ARID1B: variants seen among roughly 807,000 people sequenced by gnomAD.
The protein encoded by ARID1B is AT-rich interactive domain-containing protein 1B.
A neutral mutation model predicts 212.3 loss-of-function variants in ARID1B; 30 were observed. The ratio of observed to expected loss-of-function variants is 0.14; its 90% CI spans 0.11 to 0.19. The LOEUF (loss-of-function observed/expected upper bound fraction) is 0.19, where lower values mean the gene tolerates loss of function less well. Among genes scored for constraint, ARID1B ranks in the 10% least tolerant of loss-of-function variants. The pLI, the probability that ARID1B is intolerant of heterozygous loss-of-function variation, is 1.00. For missense variants in ARID1B, 2,891 were observed against 3,204.0 expected, an observed-to-expected ratio of 0.90 and a Z score of 2.36; for synonymous variants, 1,402 against 1,301.7, an observed-to-expected ratio of 1.08 and a Z score of -1.66.
rs143021271 is a variant in ARID1B, at chr6:157,190,324, G to A, written c.4231+114G>A. ...ACCTCTGAGCCCATGCTGCATCGGT[G>A]TGGGTCCCAGGTCCCCATCCTACTC... On this transcript the variant is annotated intron_variant, in intron 15 of 19. Transcript: ENST00000636930. This position sits in a 1 kb window ranked among gnomAD's most constrained non-coding sequence, Gnocchi z 4.6. 2,232 of 1,279,830 alleles carry A rather than the reference G, an allele frequency of 1.7e-3. 28 individuals carry two copies. The African/African-American group carries it at 0.029, about 17-fold the overall frequency. The allele number at this position is 1,279,830 out of a possible 1,614,324, so 79.3% of individuals were successfully genotyped here. A position where few individuals can be genotyped will look rare whatever the true frequency, so the allele number is the denominator to read the frequency against.
chr6:156,941,926 A>G (rs541207430), intron 4 of ARID1B: 1 of 152,346 alleles, frequency 6.6e-6, no homozygotes, highest in East Asian at 1.9e-4. Flanking sequence ...GTTCCCGTTA[A>G]AATAAAATTC....
rs1018664667 is a variant in ARID1B at position 157,207,159 on chromosome 6, C to T, written c.6387C>T (p.Ala2129=). The T allele has an allele frequency of 1.2e-6, 2 of 1,614,074 alleles. No homozygotes were observed. Among genetic ancestry groups the T allele is most frequent in the Non-Finnish European group, 1.7e-6 (2 of 1,180,040 alleles). ...AGGAGGATGAGGACAAGGGGGTGGC[C>T]TGCAGCAAAGATGAGTGGTGGTGGG... is the stretch of plus-strand genomic sequence containing the variant. ...EKEEDEDKGV[A]CSKDEWWWDC... The change falls in exon 20 of 20, where the codon GCC becomes GCT. Residue 2129 remains alanine (A), a synonymous_variant. Coordinates refer to ENST00000636930, the MANE Select transcript of ARID1B (RefSeq NM_001374828.1). The surrounding 1 kb of genome is among the most constrained non-coding windows in gnomAD (Gnocchi z 8.5).
At chr6:157,131,369 G>A (rs1282129919) in intron 6 of ARID1B, among the ~76,000 whole-genome samples, 1 of 152,112 alleles carries the variant, frequency 6.6e-6, no homozygotes, top group Non-Finnish European at 1.5e-5. Context: ...TATGAAGGAA[G>A]GTGAGTGGGA....
chr6:156,936,239 T>G (rs7742283), intron 4 of ARID1B: 20,084 of 150,868 alleles, frequency 0.13, 1,571 homozygotes, highest in East Asian at 0.23. Context: ...CTACTCGGAA[T>G]GCTGAGGCAG....
At chr6:156,869,942 A>G (rs1454107229) in intron 2 of ARID1B, among the ~76,000 whole-genome samples, 3 of 137,390 alleles carry the variant, frequency 2.2e-5, no homozygotes, top group East Asian at 4.9e-4. Context: ...AGGAGAGAGC[A>G]TTTGATAATT....
chr6:157,028,893 A>G (rs1780842742), intron 4 of ARID1B, among the ~76,000 whole-genome samples: 1 of 152,258 alleles, frequency 6.6e-6, no homozygotes, highest in Admixed American at 6.5e-5. Context: ...GCCAACCTAA[A>G]TTGGAAAGCT....
At chr6:157,129,048 G>A (rs1788348886) in intron 6 of ARID1B, among the ~76,000 whole-genome samples, 1 of 152,190 alleles carries the variant, frequency 6.6e-6, no homozygotes, top group Non-Finnish European at 1.5e-5. Context: ...CATCCCAGCT[G>A]GAAGCTTCAT....
At chr6:156,909,077 G>C (rs1429017202) in intron 3 of ARID1B, among the ~76,000 whole-genome samples, 1 of 146,604 alleles carries the variant, frequency 6.8e-6, no homozygotes, top group Non-Finnish European at 1.5e-5. Context: ...TTCTGTATGT[G>C]TGTATAAAAC....
intron 4 of ARID1B, chr6:156,941,289 G>A (rs62434290): frequency 0.073 from 11,073 of 152,214 alleles, 446 homozygotes; most frequent in African/African-American, 0.076. Flanking sequence ...TCTGAAGGAT[G>A]GTGCCCTGTC....
chr6:156,861,046 G>A (rs973091042), intron 2 of ARID1B, among the ~76,000 whole-genome samples: 38 of 152,310 alleles, frequency 2.5e-4, no homozygotes, highest in African/African-American at 8.7e-4. Context: ...CAGCCACCTT[G>A]TACACTGTGG....
intron 4 of ARID1B, among the ~76,000 whole-genome samples, chr6:157,019,158 T>C (rs1302927930): frequency 1.3e-5 from 2 of 152,182 alleles, no homozygotes; most frequent in African/African-American, 2.4e-5. Context: ...CAGAATGACA[T>C]GTTCAAATCT....
At chr6:156,789,905 CTT>C (rs113944832) in intron 1 of ARID1B, among the ~76,000 whole-genome samples, 22 of 152,104 alleles carry the variant, frequency 1.4e-4, no homozygotes, top group African/African-American at 5.3e-4. Context: ...TGAAAAGGAC[CTT>C]TTAATAGAGT....
intron 9 of ARID1B, chr6:157,169,695 T>A (rs1791581956): frequency 1.3e-5 from 2 of 152,250 alleles, no homozygotes; most frequent in Non-Finnish European, 2.9e-5. Flanking sequence ...TTTGCACTTG[T>A]CTGCATATAA....
intron 4 of ARID1B, among the ~76,000 whole-genome samples, chr6:156,952,707 C>T (rs560820475): frequency 6.6e-6 from 1 of 152,328 alleles, no homozygotes; most frequent in East Asian, 1.9e-4. Flanking sequence ...GCAGCCGTGT[C>T]ATGCTCCTGT....
chr6:157,068,979 T>C (rs1783847461), intron 4 of ARID1B, among the ~76,000 whole-genome samples: 1 of 152,234 alleles, frequency 6.6e-6, no homozygotes, highest in African/African-American at 2.4e-5. Flanking sequence ...TGTGGTCTTG[T>C]TTCAGTTCTG....
chr6:156,785,504 G>A (rs917657790), intron 1 of ARID1B, among the ~76,000 whole-genome samples: 2 of 151,292 alleles, frequency 1.3e-5, no homozygotes, highest in African/African-American at 4.9e-5. Context: ...GTAATGGGAT[G>A]CTAAAAAATT....
At chr6:157,059,582 T>A (rs1783209953) in intron 4 of ARID1B, among the ~76,000 whole-genome samples, 1 of 152,250 alleles carries the variant, frequency 6.6e-6, no homozygotes, top group Admixed American at 6.5e-5. Context: ...GTTCTGAGAC[T>A]AGTTTACTCA....
At chr6:156,898,521 A>G (rs1788669526) in intron 2 of ARID1B, among the ~76,000 whole-genome samples, 1 of 152,202 alleles carries the variant, frequency 6.6e-6, no homozygotes, top group Non-Finnish European at 1.5e-5. Context: ...TGCAGCATCC[A>G]GCAGAAGGCT....
intron 2 of ARID1B, 114 bp downstream of exon 2, chr6:156,829,535 G>T: frequency 1.6e-5 from 18 of 1,148,642 alleles, no homozygotes; most frequent in South Asian, 6.7e-5. Flanking sequence ...CGGATTTTCT[G>T]CTTTAATTTT....
Sources: allele counts gnomAD v4.1 joint callset (sites outside exome capture counted in the v4.1 genomes callset), GRCh38; gene constraint gnomAD v4.1.1; non-coding constraint Gnocchi (gnomAD v3.1); transcripts MANE v1.5; gene names NCBI Gene and HGNC (gene_info 2026-07-23, HGNC 2026-07-21).